Variants in TNRC6B observed in about 807,000 individuals in gnomAD.
TNRC6B encodes the protein trinucleotide repeat-containing gene 6B protein.
A neutral mutation model predicts 203.6 loss-of-function variants in TNRC6B; 52 were observed. The ratio of observed to expected loss-of-function variants is 0.26; its 90% CI spans 0.20 to 0.32. The LOEUF (loss-of-function observed/expected upper bound fraction) is 0.32. Ranked by LOEUF, TNRC6B falls within the 10% of genes least tolerant of loss-of-function variation. The pLI is 1.00. For missense variants in TNRC6B, 1,923 were observed against 2,286.2 expected (o/e 0.84, Z 3.24); for synonymous variants, 838 against 845.7 (o/e 0.99, Z 0.16).
intron 1 of TNRC6B, among the ~76,000 whole-genome samples, chr22:40,233,279 G>A (rs747187216): frequency 2.8e-4 from 42 of 150,692 alleles, no homozygotes; most frequent in East Asian, 2.0e-4. Flanking sequence ...CCAAGATCGC[G>A]CCACTGCACT....
intron 21 of TNRC6B, among the ~76,000 whole-genome samples, chr22:40,317,425 C>A (rs1460427978): frequency 1.3e-5 from 2 of 152,022 alleles, no homozygotes; most frequent in African/African-American, 4.8e-5. Context: ...TGAAAATACA[C>A]AAATTAGCTG....
intron 3 of TNRC6B, among the ~76,000 whole-genome samples, chr22:40,143,599 CCTGCCTCA>C (rs1275542152): frequency 1.3e-5 from 2 of 152,162 alleles, no homozygotes; most frequent in Non-Finnish European, 2.9e-5. Context: ...ACTTCATTCT[CCTGCCTCA>C]CTGCCTCAGC....
chr22:40,152,971 A>G (rs749828160), intron 3 of TNRC6B, among the ~76,000 whole-genome samples: 9 of 151,706 alleles, frequency 5.9e-5, no homozygotes, highest in Non-Finnish European at 1.0e-4. Context: ...GTGTAGTGGC[A>G]CACATCTGTA....
intron 15 of TNRC6B, 43 bp from the exon 16 acceptor site, chr22:40,308,468 TA>T (rs2071123689): frequency 6.2e-7 from 1 of 1,612,698 alleles, no homozygotes; most frequent in Non-Finnish European, 8.5e-7. Flanking sequence ...GAACTCTTGA[TA>T]CTGATGCTGG....
Position 40,327,876 on chromosome 22 carries a change from C to G in TNRC6B, c.*4635C>G, listed in dbSNP as rs912159552. 3.3e-5 allele frequency: 5 copies of G among 150,792 alleles called. No individual in the cohort carries two copies. Among genetic ancestry groups the G allele is most frequent in the African/African-American group, 1.2e-4 (5 of 40,902 alleles). 9.3% of individuals were successfully genotyped at this position (150,792 alleles called of 1,614,324 possible). A position where few individuals can be genotyped will look rare whatever the true frequency, so the allele number is the denominator to read the frequency against. ...TTTTTTTTTTAACTACTTTTTAAAA[C>G]ACTTGATTACTAGTGGCTTAGAGGT... On this transcript the variant is annotated 3_prime_UTR_variant, in exon 23 of 23. Coordinates refer to ENST00000454349, the MANE Select transcript of TNRC6B (RefSeq NM_001162501.2).
At position 40,065,377 on chromosome 22, in the gene TNRC6B, G is replaced by A. The variant is rs141651432; in HGVS notation, c.-121+20379G>A. Among the ~76,000 whole-genome samples, 147 of 152,146 alleles carry A rather than the reference G, an allele frequency of 9.7e-4. 1 individual carries two copies. The highest frequency in any genetic ancestry group is 3.4e-3 in the African/African-American group (141 of 41,472). On this transcript the variant is annotated intron_variant, in intron 1 of 23. Coordinates refer to the TNRC6B transcript ENST00000301923. ...CCCAGGCTGGTCTTGAACTCCTGGCGTCAAGCAACCCTCCCACCTTGTCCT... is the reference window on the plus strand; with the variant it reads ...CCCAGGCTGGTCTTGAACTCCTGGCATCAAGCAACCCTCCCACCTTGTCCT...
At chr22:40,057,136 T>C (rs2067804384) in intron 1 of TNRC6B, among the ~76,000 whole-genome samples, 1 of 152,346 alleles carries the variant, frequency 6.6e-6, no homozygotes, top group South Asian at 2.1e-4. Flanking sequence ...TGAAAGATGA[T>C]ACTGATTATA....
intron 12 of TNRC6B, among the ~76,000 whole-genome samples, chr22:40,293,668 A>G (rs2070899154): frequency 1.3e-5 from 2 of 151,936 alleles, no homozygotes; most frequent in Admixed American, 1.3e-4. Flanking sequence ...TTGCCCTGTT[A>G]CTGTGTCTCC....
At position 40,251,596 on chromosome 22, in the gene TNRC6B, G is replaced by A. The variant is rs1157247460; in HGVS notation, c.115+396G>A. Among the ~76,000 whole-genome samples the A allele has an allele frequency of 2.0e-5, 3 of 152,070 alleles. No homozygotes were observed. In the East Asian group the frequency reaches 5.8e-4, roughly 29 times the overall value. On this transcript the variant is annotated intron_variant, in intron 3 of 22. Transcript: ENST00000454349. ...TAGCCAGACATGGAGGCTCATGCCT[G>A]TAATCCCAGCTCCTTGGGAGGCTGA...
At chr22:40,173,791 A>T (rs1181481487), upstream of TNRC6B, among the ~76,000 whole-genome samples, 27 of 44,450 alleles carry the variant, frequency 6.1e-4, no homozygotes, top group Middle Eastern at 8.3e-3. Flanking sequence ...ATATATATAT[A>T]TATTTTTTTT....
At chr22:40,171,794 C>G (rs1022951785) in intron 4 of TNRC6B, among the ~76,000 whole-genome samples, 1 of 152,224 alleles carries the variant, frequency 6.6e-6, no homozygotes, top group South Asian at 2.1e-4. Flanking sequence ...TGCCTCTATC[C>G]CCTGCTCCCA....
At chr22:40,321,405 A>G in intron 22 of TNRC6B, 176 bp downstream of exon 22, 1 of 721,294 alleles carries the variant, frequency 1.4e-6, no homozygotes, top group Non-Finnish European at 2.2e-6. Context: ...CTTTTCCACC[A>G]AAGCTTGGAT....
chr22:40,206,021 C>CT (rs2069473301), intron 1 of TNRC6B, among the ~76,000 whole-genome samples: 1 of 152,218 alleles, frequency 6.6e-6, no homozygotes, highest in Admixed American at 6.5e-5. Context: ...GCCTTTACCT[C>CT]TTTAAGCCTC....
At chr22:40,190,893 A>G (rs1466182610) in intron 1 of TNRC6B, among the ~76,000 whole-genome samples, 2 of 152,224 alleles carry the variant, frequency 1.3e-5, no homozygotes, top group Admixed American at 1.3e-4. Flanking sequence ...TGTTTACTGC[A>G]TCAGTATTTA....
At chr22:40,092,612 G>A (rs1313189936) in intron 1 of TNRC6B, among the ~76,000 whole-genome samples, 2 of 152,114 alleles carry the variant, frequency 1.3e-5, no homozygotes, top group Non-Finnish European at 2.9e-5. Flanking sequence ...GGGCTCAAGT[G>A]ATCCTCCCAC....
chr22:40,196,517 T>G (rs979816723), intron 1 of TNRC6B, among the ~76,000 whole-genome samples: 2 of 152,034 alleles, frequency 1.3e-5, no homozygotes, highest in Non-Finnish European at 2.9e-5. Flanking sequence ...GTTGGCACCT[T>G]TATTTGGAAG....
At chr22:40,262,305 G>T (rs1406652148) in intron 4 of TNRC6B, 132 bp downstream of exon 4, 4 of 817,384 alleles carry the variant, frequency 4.9e-6, no homozygotes, top group Admixed American at 3.7e-5. Flanking sequence ...GATGAGAGAG[G>T]ATCCTAGTAT....
intron 2 of TNRC6B, among the ~76,000 whole-genome samples, chr22:40,250,795 C>T (rs1025153653): frequency 6.6e-6 from 1 of 152,078 alleles, no homozygotes; most frequent in African/African-American, 2.4e-5. Context: ...GTGTTTGTGT[C>T]TATACTCATA....
chr22:40,157,569 T>C (rs755772659), intron 4 of TNRC6B, among the ~76,000 whole-genome samples: 7 of 152,220 alleles, frequency 4.6e-5, no homozygotes, highest in Non-Finnish European at 1.0e-4. Flanking sequence ...TAGCTCACAA[T>C]ATAAATCCTA....
Sources: allele counts gnomAD v4.1 joint callset (sites outside exome capture counted in the v4.1 genomes callset), GRCh38; gene constraint gnomAD v4.1.1; transcripts MANE v1.5; gene names NCBI Gene and HGNC (gene_info 2026-07-23, HGNC 2026-07-21).